CASK: variants seen among roughly 807,000 people sequenced by gnomAD.
The protein encoded by CASK is calcium/calmodulin dependent serine protein kinase.
Under a neutral mutation model 82.9 loss-of-function variants are expected in CASK, and 4 were observed. The ratio of observed to expected loss-of-function variants is 0.05; its 90% CI spans 0.02 to 0.11. The LOEUF (loss-of-function observed/expected upper bound fraction) is 0.11, where lower values mean the gene tolerates loss of function less well. Among genes scored for constraint, CASK ranks in the 10% least tolerant of loss-of-function variants. The probability of loss-of-function intolerance (pLI) is 1.00; values close to 1 mark genes in which losing one functional copy is unlikely to be tolerated. For missense variants in CASK, 358 were observed against 720.9 expected (o/e 0.50, Z 5.76); for synonymous variants, 259 against 253.5 (o/e 1.02, Z -0.20).
chrX:41,634,008 C>T (rs751533556), intron 9 of CASK, among the ~76,000 whole-genome samples: 2 of 111,841 alleles, frequency 1.8e-5, no homozygotes, highest in African/African-American at 3.3e-5. Context: ...GCGATTTGCC[C>T]GCCTTGGCCT....
At chrX:41,844,329 G>A (rs2071107332) in intron 2 of CASK, among the ~76,000 whole-genome samples, 1 of 111,378 alleles carries the variant, frequency 9.0e-6, no homozygotes, top group South Asian at 3.7e-4. Flanking sequence ...TCACCATTAA[G>A]CTATCTGGGC....
intron 8 of CASK, among the ~76,000 whole-genome samples, chrX:41,646,706 CCATA>C (rs985985408): frequency 1.8e-5 from 2 of 111,768 alleles, no homozygotes; most frequent in African/African-American, 6.5e-5. Flanking sequence ...CTGACTATTC[CCATA>C]CAGAGTTGTG....
chrX:41,645,432 G>A (rs2066740626), intron 8 of CASK, among the ~76,000 whole-genome samples: 1 of 111,314 alleles, frequency 9.0e-6, no homozygotes. Context: ...GGATATGCTT[G>A]TGTTTCACCA....
At chrX:41,590,080 C>T (rs2147232526) in intron 12 of CASK, 1 of 137,398 alleles carries the variant, frequency 7.3e-6, no homozygotes, top group African/African-American at 3.2e-5. Flanking sequence ...AATGTTCTCA[C>T]AAAGGCTTAT....
intron 3 of CASK, among the ~76,000 whole-genome samples, chrX:41,750,809 T>C (rs2068775115): frequency 8.9e-6 from 1 of 112,334 alleles, no homozygotes; most frequent in Non-Finnish European, 1.9e-5. Context: ...CTCCAAAATA[T>C]GCTGCTTTGG....
rs959488626 is a variant in CASK at position 41,828,150 on chromosome X, C to T, written c.172+24965G>A. 7.2e-5 allele frequency among the ~76,000 whole-genome samples: 8 copies of T among 111,888 alleles called. No individual in the cohort carries two copies. The Admixed American group carries it at 7.6e-4, about 11-fold the overall frequency. ...CTACTTAAGGTCACATTGTACAGGA[C>T]AGATTTGGAATGTCTGGCATGTCTG... On this transcript the variant is annotated intron_variant, in intron 2 of 26. Coordinates refer to ENST00000378163, the MANE Select transcript of CASK (RefSeq NM_001367721.1).
At chrX:41,713,496 A>G (rs2068013469) in intron 5 of CASK, among the ~76,000 whole-genome samples, 1 of 112,334 alleles carries the variant, frequency 8.9e-6, no homozygotes, top group Non-Finnish European at 1.9e-5. Context: ...TATGTAGACC[A>G]TGTGGGACTG....
rs1180188266 is a variant in CASK at position 41,855,818 on chromosome X, T to G, written c.60-2591A>C. Among the ~76,000 whole-genome samples the G allele has an allele frequency of 4.4e-5, 5 of 112,426 alleles. No homozygotes were observed. The Admixed American group carries it at 4.7e-4, about 11-fold the overall frequency. ...CGTATTAAAAATGGAAAAAGATAAT[T>G]GACAGCATTTCAGATTTAATGAAAT... On this transcript the variant is annotated intron_variant, in intron 1 of 26. Transcript: ENST00000378163.
At chrX:41,698,798 G>C (rs1254616662) in intron 5 of CASK, among the ~76,000 whole-genome samples, 1 of 111,670 alleles carries the variant, frequency 9.0e-6, no homozygotes, top group African/African-American at 3.3e-5. Flanking sequence ...TTTTTTTAGA[G>C]TCAGAATACT....
chrX:41,543,245 T>C (rs2064972550), intron 21 of CASK, among the ~76,000 whole-genome samples: 1 of 112,008 alleles, frequency 8.9e-6, no homozygotes, highest in East Asian at 2.8e-4. Context: ...GATGAGGGGA[T>C]TGAAAGAATG....
At chrX:41,818,590 G>C (rs1004890607) in intron 2 of CASK, among the ~76,000 whole-genome samples, 2 of 110,463 alleles carry the variant, frequency 1.8e-5, no homozygotes, top group Non-Finnish European at 3.8e-5. Flanking sequence ...GCAACAGAGA[G>C]ATACCCTGTC....
intron 1 of CASK, among the ~76,000 whole-genome samples, chrX:41,891,959 G>C (rs901585300): frequency 3.6e-5 from 4 of 111,829 alleles, no homozygotes; most frequent in Non-Finnish European, 7.5e-5. Flanking sequence ...GGAGGCCAAG[G>C]TGGGAGGACT....
intron 5 of CASK, among the ~76,000 whole-genome samples, chrX:41,705,259 A>C (rs754972899): frequency 8.9e-6 from 1 of 112,704 alleles, no homozygotes; most frequent in African/African-American, 3.2e-5. Context: ...GCAGGATGCC[A>C]TTAGAAGAAA....
intron 5 of CASK, chrX:41,675,767 C>A (rs1370664165): frequency 3.3e-6 from 4 of 1,200,687 alleles, no homozygotes; most frequent in Non-Finnish European, 4.5e-6. Flanking sequence ...TTAATTTTCC[C>A]CTCCTTCTCC....
At chrX:41,836,670 C>T (rs1403708128) in intron 2 of CASK, among the ~76,000 whole-genome samples, 1 of 111,110 alleles carries the variant, frequency 9.0e-6, no homozygotes, top group Non-Finnish European at 1.9e-5. Flanking sequence ...AATACATGAT[C>T]AAACTGTTCT....
At chrX:41,673,966 C>T (rs1364931704) in intron 5 of CASK, among the ~76,000 whole-genome samples, 5 of 108,634 alleles carry the variant, frequency 4.6e-5, no homozygotes, top group Non-Finnish European at 7.6e-5. Context: ...AAAAATATAC[C>T]TCTTTTAAAA....
chrX:41,685,815 G>C (rs1209425046), intron 5 of CASK, among the ~76,000 whole-genome samples: 2 of 111,999 alleles, frequency 1.8e-5, no homozygotes, highest in African/African-American at 6.5e-5. Context: ...GTATATACTA[G>C]CAGAGGTGGA....
At chrX:41,678,240 C>T (rs2067300052) in intron 5 of CASK, among the ~76,000 whole-genome samples, 1 of 111,289 alleles carries the variant, frequency 9.0e-6, no homozygotes. Flanking sequence ...AAGGTCTGTA[C>T]ATTGCATTTG....
intron 5 of CASK, among the ~76,000 whole-genome samples, chrX:41,698,943 T>C (rs1444285187): frequency 9.0e-6 from 1 of 111,461 alleles, no homozygotes; most frequent in East Asian, 2.8e-4. Flanking sequence ...GATATATTTT[T>C]TGAGATGGAG....
Sources: allele counts gnomAD v4.1 joint callset (sites outside exome capture counted in the v4.1 genomes callset), GRCh38; gene constraint gnomAD v4.1.1; transcripts MANE v1.5; gene names NCBI Gene and HGNC (gene_info 2026-07-23, HGNC 2026-07-21).